VASH1: variants seen among roughly 807,000 people sequenced by gnomAD.
VASH1 encodes vasohibin 1.
A neutral mutation model predicts 35.0 loss-of-function variants in VASH1; 16 were observed. The ratio of observed to expected loss-of-function variants is 0.46; its 90% CI spans 0.31 to 0.70. The LOEUF (loss-of-function observed/expected upper bound fraction) is 0.70, where lower values mean the gene tolerates loss of function less well. VASH1 is among the 30% of genes least tolerant of loss of function. The probability of loss-of-function intolerance (pLI) is 0.05; values close to 1 mark genes in which losing one functional copy is unlikely to be tolerated. For synonymous variants in VASH1, 214 were observed against 200.9 expected, an observed-to-expected ratio of 1.07 and a Z score of -0.55; for missense variants, 505 against 510.7, an observed-to-expected ratio of 0.99 and a Z score of 0.11.
intron 1 of VASH1, among the ~76,000 whole-genome samples, chr14:76,764,578 T>G (rs1021952109): frequency 2.6e-5 from 4 of 152,210 alleles, no homozygotes; most frequent in African/African-American, 9.6e-5. Flanking sequence ...GCAGTTTTCT[T>G]ATCAATAAGA....
At chr14:76,763,802 G>C (rs557508396) in intron 1 of VASH1, among the ~76,000 whole-genome samples, 29 of 152,144 alleles carry the variant, frequency 1.9e-4, no homozygotes, top group Non-Finnish European at 3.2e-4. Flanking sequence ...ATTTTTCTGT[G>C]TTGGCTGTAA....
intron 5 of VASH1, 130 bp downstream of exon 5, chr14:76,776,403 G>A: frequency 7.8e-7 from 1 of 1,277,880 alleles, no homozygotes; most frequent in Non-Finnish European, 1.0e-6. Flanking sequence ...CTTAGTGGTC[G>A]ATATTGTTCA....
rs774809949 is a variant in VASH1, at chr14:76,779,114, AAGGC to A, written c.*100_*103del. ...GCATGGGGAAGGCGGGGCTGGTGAC[AAGGC>A]AGGGCAAGAGGCTGCAGGAAGAGTG... On this transcript the variant is annotated 3_prime_UTR_variant, in exon 7 of 7. Transcript: ENST00000167106. 468 of 1,333,136 alleles carry A rather than the reference AAGGC, an allele frequency of 3.5e-4. 1 individual carries two copies. Among genetic ancestry groups the A allele is most frequent in the Non-Finnish European group, 4.9e-4 (455 of 935,760 alleles). The allele number at this position is 1,333,136 out of a possible 1,614,324, so 82.6% of individuals were successfully genotyped here.
At chr14:76,771,577 T>A (rs1893795377) in intron 3 of VASH1, among the ~76,000 whole-genome samples, 1 of 152,168 alleles carries the variant, frequency 6.6e-6, no homozygotes. Flanking sequence ...TTTTGTTTTT[T>A]AGTGAGAGGT....
rs191926626 is a variant in VASH1 at position 76,779,674 on chromosome 14, G to A, written c.*656G>A. The A allele has an allele frequency of 1.1e-3, 671 of 601,088 alleles. 8 individuals carry two copies. In the Admixed American group the frequency reaches 0.019, roughly 17 times the overall value. The allele number at this position is 601,088 out of a possible 1,614,324, so 37.2% of individuals were successfully genotyped here. On this transcript the variant is annotated 3_prime_UTR_variant, in exon 7 of 7. Transcript: ENST00000167106. ...CCATGGGCAGTGCTGTGTGGGCAGAGGAGGGGTGATATGAGAGCGAGCCCA... is the reference window on the plus strand; with the variant it reads ...CCATGGGCAGTGCTGTGTGGGCAGAAGAGGGGTGATATGAGAGCGAGCCCA...
Position 76,762,686 on chromosome 14 carries a change from T to A in VASH1, c.-136T>A. 1 of 679,830 alleles carries A rather than the reference T, an allele frequency of 1.5e-6. No homozygotes were observed. The allele number at this position is 679,830 out of a possible 1,614,324, so 42.1% of individuals were successfully genotyped here. A position where few individuals can be genotyped will look rare whatever the true frequency, so the allele number is the denominator to read the frequency against. The stretch of plus-strand genomic sequence containing the variant: ...TTTTTTTTATCAAGTCGTATTTTAT[T>A]GTACAGGAGCCACGCCCTGATTTCT... On this transcript the variant is annotated 5_prime_UTR_variant, in exon 1 of 7. Coordinates refer to ENST00000167106, the MANE Select transcript of VASH1 (RefSeq NM_014909.5).
chr14:76,764,072 C>CA (rs1893578335), intron 1 of VASH1, among the ~76,000 whole-genome samples: 1 of 151,848 alleles, frequency 6.6e-6, no homozygotes, highest in Non-Finnish European at 1.5e-5. Context: ...CTGAAATCTC[C>CA]AAAAAAGAGC....
At chr14:76,768,959 A>G (rs1346246893) in intron 1 of VASH1, among the ~76,000 whole-genome samples, 1 of 152,170 alleles carries the variant, frequency 6.6e-6, no homozygotes, top group Non-Finnish European at 1.5e-5. Flanking sequence ...CTTCTACCCA[A>G]GGAAGTCTGT....
rs144385009 is a variant in VASH1, at chr14:76,763,228, C to G, written c.309+98C>G. 253 of 1,220,498 alleles carry G rather than the reference C, an allele frequency of 2.1e-4. No homozygotes were observed. In the African/African-American group the frequency reaches 3.6e-3, roughly 18 times the overall value. The allele number at this position is 1,220,498 out of a possible 1,614,324, so 75.6% of individuals were successfully genotyped here. On this transcript the variant is annotated intron_variant, in intron 1 of 6. Transcript: ENST00000167106. ...CACTCTCCTCCCACGGGGCAGGGGACCACTGGCTCGGTAAGATCTTTAAAA... is the reference window on the plus strand; with the variant it reads ...CACTCTCCTCCCACGGGGCAGGGGAGCACTGGCTCGGTAAGATCTTTAAAA...
chr14:76,766,368 T>C (rs1026703839), intron 1 of VASH1, among the ~76,000 whole-genome samples: 1 of 152,192 alleles, frequency 6.6e-6, no homozygotes, highest in Non-Finnish European at 1.5e-5. Flanking sequence ...CTCTTATGGC[T>C]CAGGCCACAG....
intron 3 of VASH1, 110 bp from the exon 4 acceptor site, chr14:76,773,015 AGCAGCTTAGGGG>A: frequency 1.1e-6 from 1 of 877,846 alleles, no homozygotes; most frequent in Non-Finnish European, 1.7e-6. Flanking sequence ...CTGAGCTGAG[AGCAGCTTAGGGG>A]GCAGCCTCTG....
Position 76,775,852 on chromosome 14 carries a change from G to A in VASH1, c.531-40G>A, listed in dbSNP as rs752089259. 5 of 1,510,054 alleles carry A rather than the reference G, an allele frequency of 3.3e-6. No individual in the cohort carries two copies. The South Asian group carries it at 4.0e-5, about 12-fold the overall frequency. The allele number at this position is 1,510,054 out of a possible 1,614,324, so 93.5% of individuals were successfully genotyped here. A position where few individuals can be genotyped will look rare whatever the true frequency, so the allele number is the denominator to read the frequency against. ...CAGTCCCTCCCGGTGTGCTGGCCCC[G>A]TGCTTCTCCTGGCTCTTTCCTTAGC... On this transcript the variant is annotated intron_variant, in intron 4 of 6. Coordinates refer to ENST00000167106, the MANE Select transcript of VASH1 (RefSeq NM_014909.5).
chr14:76,779,190 GC>G lies in VASH1; in HGVS notation c.*177del. ...GCTGCTCTCGCTCCCACTGAGCCAAGCCCCCTAACTTTGGGCCTAGAGGCCG... is the reference window on the plus strand; with the variant it reads ...GCTGCTCTCGCTCCCACTGAGCCAAGCCCCTAACTTTGGGCCTAGAGGCCG... On this transcript the variant is annotated 3_prime_UTR_variant, in exon 7 of 7. Transcript: ENST00000167106. The G allele has an allele frequency of 1.3e-6, 1 of 747,708 alleles. No individual in the cohort carries two copies. Among genetic ancestry groups the G allele is most frequent in the Non-Finnish European group, 2.3e-6 (1 of 434,608 alleles). 46.3% of individuals were successfully genotyped at this position (747,708 alleles called of 1,614,324 possible). A position where few individuals can be genotyped will look rare whatever the true frequency, so the allele number is the denominator to read the frequency against.
At chr14:76,769,417 C>T in intron 1 of VASH1, 1 of 1,289,142 alleles carries the variant, frequency 7.8e-7, no homozygotes, top group Non-Finnish European at 1.0e-6. Context: ...TGACTGACTC[C>T]TTGACAGTTC....
chr14:76,776,794 C>G (rs1893958146), intron 5 of VASH1, among the ~76,000 whole-genome samples: 1 of 152,140 alleles, frequency 6.6e-6, no homozygotes, highest in African/African-American at 2.4e-5. Flanking sequence ...GCCCTAGAGC[C>G]TTTCAGCAGG....
rs1310106004 is a variant in VASH1 at position 76,779,507 on chromosome 14, T to C, written c.*489T>C. The stretch of plus-strand genomic sequence containing the variant: ...CAGTTCTGCCTGCCCTGGCAGAATC[T>C]TGACCCAGGGAAAGGGAAGCAGGGT... On this transcript the variant is annotated 3_prime_UTR_variant, in exon 7 of 7. Coordinates refer to ENST00000167106, the MANE Select transcript of VASH1 (RefSeq NM_014909.5). 7.1e-6 allele frequency: 5 copies of C among 701,772 alleles called. No individual in the cohort carries two copies. The highest frequency in any genetic ancestry group is 1.3e-5 in the Non-Finnish European group (5 of 384,552). The allele number at this position is 701,772 out of a possible 1,614,324, so 43.5% of individuals were successfully genotyped here. A position where few individuals can be genotyped will look rare whatever the true frequency, so the allele number is the denominator to read the frequency against.
chr14:76,781,810 C>G lies in VASH1; in HGVS notation c.*2792C>G. ...TCCTCCCCTCCTGGGCATGTTTACACAGGCTCTGCTCTGGGGGCTGGCCTG... is the reference window on the plus strand; with the variant it reads ...TCCTCCCCTCCTGGGCATGTTTACAGAGGCTCTGCTCTGGGGGCTGGCCTG... On this transcript the variant is annotated 3_prime_UTR_variant, in exon 7 of 7. Transcript: ENST00000167106. The G allele has an allele frequency of 6.5e-6, 1 of 153,250 alleles. No individual in the cohort carries two copies. The highest frequency in any genetic ancestry group is 1.5e-5 in the Non-Finnish European group (1 of 68,454). The allele number at this position is 153,250 out of a possible 1,614,324, so 9.5% of individuals were successfully genotyped here.
Position 76,780,268 on chromosome 14 carries a change from TG to T in VASH1, c.*1255del. 1 of 152,684 alleles carries T rather than the reference TG, an allele frequency of 6.5e-6. No individual in the cohort carries two copies. Among genetic ancestry groups the T allele is most frequent in the Non-Finnish European group, 1.5e-5 (1 of 68,436 alleles). 9.5% of individuals were successfully genotyped at this position (152,684 alleles called of 1,614,324 possible). On this transcript the variant is annotated 3_prime_UTR_variant, in exon 7 of 7. Coordinates refer to ENST00000167106, the MANE Select transcript of VASH1 (RefSeq NM_014909.5). ...CAGCCACTGAGGGACAGCTGGGAAC[TG>T]GGGGATGCAAGTGAGAAAGGGATGT...
chr14:76,770,530 T>C (rs1014034115), intron 2 of VASH1, among the ~76,000 whole-genome samples: 3 of 152,166 alleles, frequency 2.0e-5, no homozygotes, highest in Non-Finnish European at 4.4e-5. Flanking sequence ...CCAGTTCTTC[T>C]CCTTTTTTTC....
Sources: gnomAD v4.1 joint callset for allele counts (sites outside exome capture counted in the v4.1 genomes callset) on GRCh38, gnomAD v4.1.1 for gene constraint, MANE v1.5 for transcripts, NCBI Gene and HGNC (gene_info 2026-07-23, HGNC 2026-07-21) for gene names.